Variants in EYA1 observed in about 807,000 individuals in gnomAD.
EYA1 encodes the protein protein phosphatase EYA1.
Under a neutral mutation model 82.0 loss-of-function variants are expected in EYA1, and 16 were observed. The ratio of observed to expected loss-of-function variants is 0.20; its 90% CI spans 0.13 to 0.30. The LOEUF is 0.30. EYA1 is among the 10% of genes least tolerant of loss of function. The pLI is 1.00. For synonymous variants in EYA1, 261 were observed against 264.4 expected (o/e 0.99, Z 0.12); for missense variants, 633 against 730.7 (o/e 0.87, Z 1.54).
intron 10 of EYA1, chr8:71,270,128 T>A: frequency 3.3e-6 from 1 of 302,652 alleles, no homozygotes; most frequent in Non-Finnish European, 6.4e-6. Flanking sequence ...ATGAAAAAAA[T>A]GAGTTATAGC....
intron 6 of EYA1, among the ~76,000 whole-genome samples, chr8:71,317,995 G>C (rs544913795): frequency 4.3e-4 from 66 of 152,078 alleles, no homozygotes; most frequent in Admixed American, 1.2e-3. Flanking sequence ...TTTTAATTAT[G>C]TAAGAGTTGA....
intron 2 of EYA1, among the ~76,000 whole-genome samples, chr8:71,432,674 C>T (rs1372857140): frequency 6.6e-6 from 1 of 152,134 alleles, no homozygotes; most frequent in Non-Finnish European, 1.5e-5. Flanking sequence ...CCTAATTTTA[C>T]CTTAAATGTC....
intron 3 of EYA1, among the ~76,000 whole-genome samples, chr8:71,352,621 A>G (rs1361955231): frequency 6.6e-6 from 1 of 152,238 alleles, no homozygotes; most frequent in African/African-American, 2.4e-5. Context: ...TCCAAGACAT[A>G]AAACAATTAA....
At chr8:71,272,944 A>G (rs1459932446) in intron 9 of EYA1, among the ~76,000 whole-genome samples, 2 of 152,188 alleles carry the variant, frequency 1.3e-5, no homozygotes, top group Admixed American at 6.5e-5. Flanking sequence ...GAAGAGAACA[A>G]CTGAAGGCTT....
At chr8:71,542,814 T>C (rs970088982) in intron 1 of EYA1, among the ~76,000 whole-genome samples, 6 of 152,244 alleles carry the variant, frequency 3.9e-5, no homozygotes, top group Admixed American at 2.0e-4. Flanking sequence ...TAATGATCAA[T>C]GATGTTGAGC....
chr8:71,247,506 T>A (rs1357674443), intron 11 of EYA1, among the ~76,000 whole-genome samples: 2 of 152,006 alleles, frequency 1.3e-5, no homozygotes, highest in African/African-American at 4.8e-5. Context: ...GGAAAACGAT[T>A]CCCTCAAATT....
At chr8:71,487,418 A>T (rs952364470) in intron 2 of EYA1, among the ~76,000 whole-genome samples, 3 of 152,166 alleles carry the variant, frequency 2.0e-5, no homozygotes, top group Non-Finnish European at 4.4e-5. Flanking sequence ...TGAAACTATC[A>T]TACAATCACA....
intron 12 of EYA1, among the ~76,000 whole-genome samples, chr8:71,223,248 A>T (rs1177832238): frequency 6.6e-6 from 1 of 152,170 alleles, no homozygotes; most frequent in Non-Finnish European, 1.5e-5. Context: ...AGCTGAAAAG[A>T]GGGCAGATGG....
At chr8:71,244,546 A>C in intron 12 of EYA1, 57 bp downstream of exon 12, 1 of 886,934 alleles carries the variant, frequency 1.1e-6, no homozygotes, top group South Asian at 1.4e-5. Context: ...TCTTTATTTT[A>C]AAACCAATCA....
At chr8:71,215,351 G>T in intron 16 of EYA1, 36 bp downstream of exon 16, 1 of 1,602,668 alleles carries the variant, frequency 6.2e-7, no homozygotes, top group Non-Finnish European at 8.5e-7. Context: ...TGAAGGAAAA[G>T]AGCTGATTGT....
intron 1 of EYA1, among the ~76,000 whole-genome samples, chr8:71,539,194 A>G (rs1814948922): frequency 6.7e-6 from 1 of 150,174 alleles, no homozygotes. Context: ...CCTGAAATGT[A>G]CTGCATCAAC....
At chr8:71,469,234 T>C (rs1401047347) in intron 2 of EYA1, among the ~76,000 whole-genome samples, 2 of 152,134 alleles carry the variant, frequency 1.3e-5, no homozygotes, top group Non-Finnish European at 2.9e-5. Context: ...CAAATAGTTA[T>C]ATTTTAATGT....
intron 11 of EYA1, among the ~76,000 whole-genome samples, chr8:71,253,665 T>C (rs1814026404): frequency 6.6e-6 from 1 of 152,190 alleles, no homozygotes; most frequent in Non-Finnish European, 1.5e-5. Context: ...AGCTATAGAC[T>C]AACCATGTTA....
intron 11 of EYA1, among the ~76,000 whole-genome samples, chr8:71,250,477 T>G (rs1813621793): frequency 6.6e-6 from 1 of 152,234 alleles, no homozygotes; most frequent in Admixed American, 6.5e-5. Flanking sequence ...CACAGCTCTA[T>G]GTGTTCTTGT....
chr8:71,432,652 T>G (rs1805710103), intron 2 of EYA1, among the ~76,000 whole-genome samples: 1 of 152,194 alleles, frequency 6.6e-6, no homozygotes, highest in Non-Finnish European at 1.5e-5. Flanking sequence ...GGATCAGGAC[T>G]TACCCACATG....
intron 11 of EYA1, among the ~76,000 whole-genome samples, chr8:71,251,927 C>T (rs1016282275): frequency 6.6e-6 from 1 of 152,156 alleles, no homozygotes; most frequent in Non-Finnish European, 1.5e-5. Context: ...CACAGAAATA[C>T]TGAAATGCCA....
At chr8:71,314,476 T>C (rs1467342301) in intron 7 of EYA1, among the ~76,000 whole-genome samples, 3 of 152,200 alleles carry the variant, frequency 2.0e-5, no homozygotes, top group African/African-American at 7.2e-5. Flanking sequence ...AGGTTGAATA[T>C]CCCTTATCTG....
intron 12 of EYA1, among the ~76,000 whole-genome samples, chr8:71,218,599 GGAGCCC>G (rs77922648): frequency 0.045 from 6,916 of 152,220 alleles, 222 homozygotes; most frequent in Non-Finnish European, 0.07. Flanking sequence ...AGCAAGTCTA[GGAGCCC>G]TCACATGCTG....
At chr8:71,449,145 G>A (rs1807147810) in intron 2 of EYA1, 1 of 165,374 alleles carries the variant, frequency 6.0e-6, no homozygotes, top group African/African-American at 2.4e-5. Context: ...TACTTTCCTA[G>A]CTGGGAAAAA....
Sources: allele counts gnomAD v4.1 joint callset (sites outside exome capture counted in the v4.1 genomes callset), GRCh38; gene constraint gnomAD v4.1.1; transcripts MANE v1.5; gene names NCBI Gene and HGNC (gene_info 2026-07-23, HGNC 2026-07-21).